TUSC3: variants seen among roughly 807,000 people sequenced by gnomAD.
TUSC3 encodes dolichyl-diphosphooligosaccharide--protein glycosyltransferase subunit TUSC3.
TUSC3 carries 45 observed loss-of-function variants against 44.8 expected under a neutral mutation model. That is an observed-to-expected ratio of 1.00 (90% CI 0.79 to 1.29). The LOEUF (loss-of-function observed/expected upper bound fraction) is 1.29, where lower values mean the gene tolerates loss of function less well. Among genes scored for constraint, TUSC3 ranks in the 50% most tolerant of loss-of-function variants. The pLI, the probability that TUSC3 is intolerant of heterozygous loss-of-function variation, is 0.00. For synonymous variants in TUSC3, 212 were observed against 152.9 expected (o/e 1.39, Z -2.85); for missense variants, 519 against 437.9 (o/e 1.19, Z -1.65).
At chr8:15,466,055 G>A (rs1054637230) in intron 1 of TUSC3, among the ~76,000 whole-genome samples, 36 of 152,082 alleles carry the variant, frequency 2.4e-4, no homozygotes, top group African/African-American at 6.8e-4. Flanking sequence ...AATATATCCC[G>A]CTTTTTCTTC....
chr8:15,662,377 A>C, intron 5 of TUSC3, 81 bp downstream of exon 5: 1 of 1,571,096 alleles, frequency 6.4e-7, no homozygotes, highest in Non-Finnish European at 8.7e-7. Context: ...AAAATGAGCC[A>C]GATATAACTA....
chr8:15,529,505 T>C lies in TUSC3; in HGVS notation n.189+46022T>C, dbSNP rs1203273530. Among the ~76,000 whole-genome samples, 3 of 152,140 alleles carry C rather than the reference T, an allele frequency of 2.0e-5. No homozygotes were observed. In the East Asian group the frequency reaches 5.8e-4, roughly 29 times the overall value. The stretch of plus-strand genomic sequence containing the variant: ...AGTTTAAAAATAATTGAATGAAATG[T>C]ATCGTAATATACAAAATCAGTTTCA... On this transcript the variant is annotated intron_variant and non_coding_transcript_variant, in intron 2 of 5. Coordinates refer to the TUSC3 transcript ENST00000503191.
At chr8:15,563,027 T>TG (rs1802536478) in intron 1 of TUSC3, among the ~76,000 whole-genome samples, 1 of 152,074 alleles carries the variant, frequency 6.6e-6, no homozygotes, top group South Asian at 2.1e-4. Flanking sequence ...AGTGGTTCAT[T>TG]GGGGATTATT....
intron 1 of TUSC3, among the ~76,000 whole-genome samples, chr8:15,564,131 AT>A (rs1802579962): frequency 1.3e-5 from 2 of 152,238 alleles, no homozygotes; most frequent in African/African-American, 4.8e-5. Flanking sequence ...CTTTTAAAGT[AT>A]TAGTTTAGAT....
chr8:15,534,451 A>T (rs923007329), intron 2 of TUSC3, among the ~76,000 whole-genome samples: 1 of 151,940 alleles, frequency 6.6e-6, no homozygotes, highest in African/African-American at 2.4e-5. Flanking sequence ...AGACCATCCA[A>T]ACTAACACGG....
chr8:15,442,000 T>C (rs1800026974), intron 1 of TUSC3, among the ~76,000 whole-genome samples: 1 of 152,196 alleles, frequency 6.6e-6, no homozygotes, highest in Non-Finnish European at 1.5e-5. Flanking sequence ...AGTTGGTTTG[T>C]TCTTATCATA....
At chr8:15,523,664 A>ATATATG (rs1345376349) in intron 2 of TUSC3, among the ~76,000 whole-genome samples, 7 of 42,480 alleles carry the variant, frequency 1.6e-4, no homozygotes, top group African/African-American at 5.2e-4. Flanking sequence ...ATATATATAT[A>ATATATG]TGTGTGTGTG....
intron 1 of TUSC3, among the ~76,000 whole-genome samples, chr8:15,594,641 G>C (rs189224312): frequency 4.6e-5 from 7 of 152,196 alleles, no homozygotes; most frequent in Admixed American, 3.3e-4. Flanking sequence ...CAGAGCATCT[G>C]AATACTCTAC....
At chr8:15,481,807 C>A (rs77454688) in intron 1 of TUSC3, among the ~76,000 whole-genome samples, 8,842 of 152,192 alleles carry the variant, frequency 0.058, 282 homozygotes, top group South Asian at 0.11. Context: ...GAGGGTCTGG[C>A]CTTGATGTTA....
At chr8:15,559,429 G>C (rs898758476) in intron 1 of TUSC3, among the ~76,000 whole-genome samples, 1 of 147,750 alleles carries the variant, frequency 6.8e-6, no homozygotes, top group African/African-American at 2.5e-5. Context: ...CCAAGTATGT[G>C]GTCAATTTTG....
At chr8:15,553,286 C>G (rs755978492) in intron 1 of TUSC3, among the ~76,000 whole-genome samples, 17 of 151,618 alleles carry the variant, frequency 1.1e-4, no homozygotes, top group South Asian at 2.1e-4. Flanking sequence ...ATCACCCAGC[C>G]AGAGCACTTA....
intron 1 of TUSC3, among the ~76,000 whole-genome samples, chr8:15,598,382 C>T (rs770577308): frequency 2.6e-5 from 4 of 151,898 alleles, no homozygotes; most frequent in Non-Finnish European, 5.9e-5. Flanking sequence ...CTCTTGCCTC[C>T]ACACATGCGT....
intron 1 of TUSC3, among the ~76,000 whole-genome samples, chr8:15,564,689 A>G (rs1387277560): frequency 6.6e-6 from 1 of 152,120 alleles, no homozygotes; most frequent in Admixed American, 6.5e-5. Context: ...CCAGTGTCCC[A>G]TGTTTAGATA....
intron 1 of TUSC3, among the ~76,000 whole-genome samples, chr8:15,585,853 C>G (rs775675029): frequency 6.6e-6 from 1 of 152,074 alleles, no homozygotes; most frequent in Non-Finnish European, 1.5e-5. Context: ...TGAGCGTGAC[C>G]GGGTTTTTTT....
At chr8:15,738,834 T>TTTTCTTTCTTTTTTTTTTC (rs964146034) in intron 7 of TUSC3, among the ~76,000 whole-genome samples, 4 of 121,978 alleles carry the variant, frequency 3.3e-5, no homozygotes, top group Non-Finnish European at 6.7e-5. Flanking sequence ...TTGCTTTTTT[T>TTTTCTTTCTTTTTTTTTTC]TTTTTTTTTT....
chr8:15,517,569 C>T (rs1364388062), intron 2 of TUSC3, among the ~76,000 whole-genome samples: 1 of 124,724 alleles, frequency 8.0e-6, no homozygotes, highest in Non-Finnish European at 1.6e-5. Flanking sequence ...CCACAACATT[C>T]ACATTTACAG....
intron 9 of TUSC3, among the ~76,000 whole-genome samples, chr8:15,749,814 T>G (rs1185099906): frequency 2.0e-5 from 3 of 147,866 alleles, no homozygotes. Context: ...GCCTGTGTTC[T>G]ATAATGGAAA....
At chr8:15,595,172 T>G (rs1804012337) in intron 1 of TUSC3, among the ~76,000 whole-genome samples, 1 of 152,308 alleles carries the variant, frequency 6.6e-6, no homozygotes, top group African/African-American at 2.4e-5. Context: ...TAAGGCCGTT[T>G]GGAGAACTGT....
intron 9 of TUSC3, among the ~76,000 whole-genome samples, chr8:15,754,021 C>CCA (rs1448332293): frequency 2.6e-5 from 4 of 152,120 alleles, no homozygotes; most frequent in African/African-American, 9.6e-5. Context: ...GAACATAGCA[C>CCA]CACGTTGTTA....
Sources: allele counts gnomAD v4.1 joint callset (sites outside exome capture counted in the v4.1 genomes callset), GRCh38; gene constraint gnomAD v4.1.1; transcripts MANE v1.5; gene names NCBI Gene and HGNC (gene_info 2026-07-23, HGNC 2026-07-21).